SPATS2: variants seen among roughly 807,000 people sequenced by gnomAD.
SPATS2 encodes the protein spermatogenesis associated serine rich 2.
A neutral mutation model predicts 63.7 loss-of-function variants in SPATS2; 38 were observed. The ratio of observed to expected loss-of-function variants is 0.60; its 90% CI spans 0.46 to 0.78. The LOEUF (loss-of-function observed/expected upper bound fraction) is 0.78, where lower values mean the gene tolerates loss of function less well. Among genes scored for constraint, SPATS2 ranks in the 30% least tolerant of loss-of-function variants. The pLI, the probability that SPATS2 is intolerant of heterozygous loss-of-function variation, is 0.00. For synonymous variants in SPATS2, 207 were observed against 232.9 expected, an observed-to-expected ratio of 0.89 and a Z score of 1.01; for missense variants, 588 against 666.2, an observed-to-expected ratio of 0.88 and a Z score of 1.29.
At chr12:49,490,623 C>T in intron 5 of SPATS2, 59 bp from the exon 6 acceptor site, 1 of 1,493,488 alleles carries the variant, frequency 6.7e-7, no homozygotes, top group Non-Finnish European at 9.3e-7. Flanking sequence ...GACACTGACT[C>T]CTGCTTGACT....
Position 49,380,135 on chromosome 12 carries a change from T to C in SPATS2, c.-244+8845T>C, listed in dbSNP as rs79647292. ...TAGCATAATGTTGAGACTTAACCAC[T>C]GGTCTCATGTATCAACCTCATTCCT... is the stretch of plus-strand genomic sequence containing the variant. On this transcript the variant is annotated intron_variant, in intron 2 of 13. Coordinates refer to ENST00000552918, the MANE Select transcript of SPATS2 (RefSeq NM_023071.4). 7.5e-3 allele frequency among the ~76,000 whole-genome samples: 1,143 copies of C among 151,948 alleles called. 10 individuals are homozygous for C. The highest frequency in any genetic ancestry group is 0.026 in the African/African-American group (1,077 of 41,440).
At position 49,496,257 on chromosome 12, in the gene SPATS2, C is replaced by T. The variant is rs540951628; in HGVS notation, c.527-576C>T. ...TCCTAACTTATTACACTTCTATCCC[C>T]TAGAGCGTTGTTGTTTGTTTGTTTG... On this transcript the variant is annotated intron_variant, in intron 7 of 13. Transcript: ENST00000552918. Among the ~76,000 whole-genome samples, 9 of 152,190 alleles carry T rather than the reference C, an allele frequency of 5.9e-5. No homozygotes were observed. In the South Asian group the frequency reaches 1.9e-3, roughly 32 times the overall value.
chr12:49,500,984 G>A (rs1565753365), intron 9 of SPATS2, among the ~76,000 whole-genome samples: 2 of 151,750 alleles, frequency 1.3e-5, no homozygotes. Context: ...GTCTTACTCT[G>A]TCTGTCACCC....
intron 9 of SPATS2, chr12:49,512,979 T>C: frequency 8.3e-7 from 1 of 1,200,298 alleles, no homozygotes; most frequent in Non-Finnish European, 1.1e-6. Flanking sequence ...TTGATGCTTT[T>C]GGATTAATAT....
chr12:49,389,210 A>T (rs780176106), intron 2 of SPATS2, among the ~76,000 whole-genome samples: 1 of 152,172 alleles, frequency 6.6e-6, no homozygotes, highest in Non-Finnish European at 1.5e-5. Flanking sequence ...CAAAGCTTCA[A>T]GTGTTCGGCC....
At chr12:49,447,569 A>G (rs1247264112) in intron 2 of SPATS2, among the ~76,000 whole-genome samples, 2 of 152,122 alleles carry the variant, frequency 1.3e-5, no homozygotes, top group African/African-American at 2.4e-5. Flanking sequence ...GTTTGTGGAG[A>G]ATTCTATTAT....
chr12:49,454,132 G>C (rs1266749047), intron 2 of SPATS2: 1 of 152,072 alleles, frequency 6.6e-6, no homozygotes, highest in Non-Finnish European at 1.5e-5. Flanking sequence ...CAAAGTGCTG[G>C]GATTACAGGC....
chr12:49,423,068 G>C (rs1945010867), intron 2 of SPATS2, among the ~76,000 whole-genome samples: 1 of 151,628 alleles, frequency 6.6e-6, no homozygotes, highest in Non-Finnish European at 1.5e-5. Context: ...CCTTTTCAAA[G>C]AAAAAAGTCT....
chr12:49,366,977 T>C (rs553507679), upstream of SPATS2: 375 of 151,334 alleles, frequency 2.5e-3, 1 homozygote, highest in African/African-American at 8.6e-3. Flanking sequence ...TCCCCTTCCA[T>C]CTACTTTGTC....
chr12:49,428,280 A>C (rs758391116), intron 2 of SPATS2, among the ~76,000 whole-genome samples: 5 of 152,120 alleles, frequency 3.3e-5, no homozygotes, highest in Admixed American at 6.6e-5. Context: ...AAACAAAAAA[A>C]AAAAACAAAA....
At chr12:49,456,394 A>C (rs1434740218) in intron 2 of SPATS2, among the ~76,000 whole-genome samples, 2 of 152,216 alleles carry the variant, frequency 1.3e-5, no homozygotes, top group Non-Finnish European at 2.9e-5. Flanking sequence ...CTAGAGTGTA[A>C]AAGGGATGAT....
At chr12:49,400,336 A>C (rs2137294953) in intron 2 of SPATS2, among the ~76,000 whole-genome samples, 1 of 152,334 alleles carries the variant, frequency 6.6e-6, no homozygotes, top group African/African-American at 2.4e-5. Flanking sequence ...AATTGGAGAC[A>C]GTTACAGCTT....
Position 49,413,635 on chromosome 12 carries a change from C to G in SPATS2, c.-244+42345C>G, listed in dbSNP as rs561364978. On this transcript the variant is annotated intron_variant, in intron 2 of 13. Transcript: ENST00000552918. ...CTTCTTAAGGCCCCCAGAATCTCGC[C>G]TAATACATTTCAGCATTAGTCTCAG... is the stretch of plus-strand genomic sequence containing the variant. Among the ~76,000 whole-genome samples, 106 of 152,248 alleles carry G rather than the reference C, an allele frequency of 7.0e-4. 4 individuals are homozygous for G. The South Asian group carries it at 0.022, about 31-fold the overall frequency.
At position 49,423,796 on chromosome 12, in the gene SPATS2, G is replaced by A. The variant is rs144960107; in HGVS notation, c.-243-36974G>A. Among the ~76,000 whole-genome samples the A allele has an allele frequency of 8.5e-4, 129 of 152,180 alleles. 1 individual carries two copies. Among genetic ancestry groups the A allele is most frequent in the African/African-American group, 2.8e-3 (118 of 41,544 alleles). ...AACATGAATTTTATTGTTTTTTTCT[G>A]AGAAACCTATGATTTATATCAGAGT... On this transcript the variant is annotated intron_variant, in intron 2 of 13. Transcript: ENST00000552918.
At chr12:49,505,255 A>G (rs1946637833) in intron 9 of SPATS2, among the ~76,000 whole-genome samples, 1 of 152,212 alleles carries the variant, frequency 6.6e-6, no homozygotes, top group Non-Finnish European at 1.5e-5. Context: ...AATATGTATT[A>G]TCAAAAATGT....
intron 6 of SPATS2, among the ~76,000 whole-genome samples, chr12:49,492,079 C>CTG (rs1371248754): frequency 6.6e-6 from 1 of 152,124 alleles, no homozygotes; most frequent in African/African-American, 2.4e-5. Flanking sequence ...CAAGGGTTAC[C>CTG]TAATACTACA....
chr12:49,386,418 G>A (rs1944320262), intron 2 of SPATS2, among the ~76,000 whole-genome samples: 1 of 151,574 alleles, frequency 6.6e-6, no homozygotes, highest in Non-Finnish European at 1.5e-5. Flanking sequence ...TGCCCGCCTT[G>A]GCCTCCCAAA....
chr12:49,465,389 A>G (rs760047025), intron 3 of SPATS2, among the ~76,000 whole-genome samples: 4 of 151,596 alleles, frequency 2.6e-5, no homozygotes, highest in Non-Finnish European at 2.9e-5. Context: ...TATTATAGCT[A>G]TCTTAATAGA....
At chr12:49,438,612 A>C (rs1328861897) in intron 2 of SPATS2, among the ~76,000 whole-genome samples, 4 of 152,298 alleles carry the variant, frequency 2.6e-5, no homozygotes, top group Admixed American at 2.6e-4. Flanking sequence ...ATTTTTAAAA[A>C]ATTTTAGCCT....
Sources: gnomAD v4.1 joint callset for allele counts (sites outside exome capture counted in the v4.1 genomes callset) on GRCh38, gnomAD v4.1.1 for gene constraint, MANE v1.5 for transcripts, NCBI Gene and HGNC (gene_info 2026-07-23, HGNC 2026-07-21) for gene names.